Variants in TAFA4 observed in about 807,000 individuals in gnomAD.
TAFA4 encodes chemokine-like protein TAFA-4.
In TAFA4, 20 loss-of-function variants were observed where a neutral mutation model predicts 21.1. The observed-to-expected ratio is 0.95, with a 90% confidence interval of 0.67 to 1.38. The LOEUF (loss-of-function observed/expected upper bound fraction) is 1.38. Among genes scored for constraint, TAFA4 ranks in the 40% most tolerant of loss-of-function variants. The probability of loss-of-function intolerance (pLI) is 0.00; values close to 1 mark genes in which losing one functional copy is unlikely to be tolerated. For synonymous variants in TAFA4, 71 were observed against 67.4 expected (o/e 1.05, Z -0.26); for missense variants, 211 against 180.9 (o/e 1.17, Z -0.95).
intron 3 of TAFA4, among the ~76,000 whole-genome samples, chr3:68,760,281 C>G (rs1377935290): frequency 6.6e-6 from 1 of 152,110 alleles, no homozygotes; most frequent in Admixed American, 6.6e-5. Context: ...ATTAAATATA[C>G]TTTTAAGAAA....
At chr3:68,803,169 T>A (rs1162588286) in intron 3 of TAFA4, among the ~76,000 whole-genome samples, 1 of 152,204 alleles carries the variant, frequency 6.6e-6, no homozygotes, top group East Asian at 1.9e-4. Context: ...CAGGCTTCAG[T>A]AAATAAATAC....
At chr3:68,823,889 T>C (rs1367165579) in intron 3 of TAFA4, among the ~76,000 whole-genome samples, 1 of 152,228 alleles carries the variant, frequency 6.6e-6, no homozygotes, top group African/African-American at 2.4e-5. Flanking sequence ...GTACAAATAT[T>C]ACTCTATCAC....
intron 4 of TAFA4, among the ~76,000 whole-genome samples, chr3:68,751,818 G>T (rs1158452414): frequency 6.6e-6 from 1 of 152,174 alleles, no homozygotes; most frequent in African/African-American, 2.4e-5. Context: ...TAAGGTAATA[G>T]ATGGTATATT....
At chr3:68,753,115 C>T in intron 3 of TAFA4, 97 bp from the exon 4 acceptor site, 2 of 1,082,874 alleles carry the variant, frequency 1.8e-6, no homozygotes, top group Non-Finnish European at 2.7e-6. Flanking sequence ...TTTCCAACTT[C>T]CTGTGCTATG....
Position 68,840,591 on chromosome 3 carries a change from T to G in TAFA4, c.130+40139A>C, listed in dbSNP as rs187256905. 1.1e-4 allele frequency among the ~76,000 whole-genome samples: 16 copies of G among 152,250 alleles called. No individual in the cohort carries two copies. In the Middle Eastern group the frequency reaches 0.01, roughly 97 times the overall value. On this transcript the variant is annotated intron_variant, in intron 3 of 5. Coordinates refer to ENST00000295569, the MANE Select transcript of TAFA4 (RefSeq NM_182522.5). ...ACTTAAGAAATACAAACACGTGCCT[T>G]TAGAAGGTAAATAAAAACTCTTATG...
chr3:68,786,559 T>C (rs951404808), intron 3 of TAFA4, among the ~76,000 whole-genome samples: 7 of 152,244 alleles, frequency 4.6e-5, no homozygotes, highest in African/African-American at 1.7e-4. Flanking sequence ...TTTCTACTGT[T>C]TGAAATCTTA....
intron 4 of TAFA4, among the ~76,000 whole-genome samples, chr3:68,745,118 T>A (rs902411163): frequency 2.0e-5 from 3 of 152,136 alleles, no homozygotes; most frequent in Non-Finnish European, 4.4e-5. Context: ...CGTTATGAGT[T>A]AAGGATTGAC....
At chr3:68,771,091 A>G (rs903315602) in intron 3 of TAFA4, among the ~76,000 whole-genome samples, 3 of 150,618 alleles carry the variant, frequency 2.0e-5, no homozygotes, top group Admixed American at 1.3e-4. Context: ...TCCAGGGAAA[A>G]ATCACCTTCT....
At chr3:68,866,857 G>C (rs1455378650) in intron 3 of TAFA4, among the ~76,000 whole-genome samples, 1 of 151,526 alleles carries the variant, frequency 6.6e-6, no homozygotes, top group Non-Finnish European at 1.5e-5. Context: ...CAGGCTGTTT[G>C]AAAATATACA....
rs562863829 is a variant in TAFA4, at chr3:68,877,620, G to A, written c.130+3110C>T. ...TCTGGGTCACTCTGTTCCCCAGCTT[G>A]TTGAAGCCTTTCTCTCCTTAAGGTT... On this transcript the variant is annotated intron_variant, in intron 3 of 5. Transcript: ENST00000295569. Among the ~76,000 whole-genome samples, 11 of 152,296 alleles carry A rather than the reference G, an allele frequency of 7.2e-5. No individual in the cohort carries two copies. In the East Asian group the frequency reaches 2.1e-3, roughly 29 times the overall value.
chr3:68,773,378 C>T (rs1266261669), intron 3 of TAFA4, among the ~76,000 whole-genome samples: 1 of 152,234 alleles, frequency 6.6e-6, no homozygotes, highest in African/African-American at 2.4e-5. Context: ...CAGGGTACAA[C>T]ACCCTCCTGA....
At chr3:68,820,106 CA>C (rs1238198452) in intron 3 of TAFA4, among the ~76,000 whole-genome samples, 1 of 152,056 alleles carries the variant, frequency 6.6e-6, no homozygotes, top group Non-Finnish European at 1.5e-5. Flanking sequence ...TTCAGCCTTA[CA>C]AAAGAAGAAA....
At chr3:68,915,561 A>C (rs1197708472) in intron 1 of TAFA4, among the ~76,000 whole-genome samples, 2 of 152,196 alleles carry the variant, frequency 1.3e-5, no homozygotes, top group Admixed American at 6.5e-5. Flanking sequence ...TTTAACTCTC[A>C]AAATGGTGAT....
At chr3:68,913,723 ATC>A (rs1575670690) in intron 1 of TAFA4, 1 of 151,636 alleles carries the variant, frequency 6.6e-6, no homozygotes, top group African/African-American at 2.4e-5. Flanking sequence ...TGGAGAAATT[ATC>A]TGTTACTAAT....
chr3:68,902,148 C>A (rs2089850513), intron 1 of TAFA4, among the ~76,000 whole-genome samples: 1 of 152,132 alleles, frequency 6.6e-6, no homozygotes, highest in African/African-American at 2.4e-5. Flanking sequence ...CCCCATTTTA[C>A]AAAGAAGGAT....
intron 1 of TAFA4, among the ~76,000 whole-genome samples, chr3:68,903,349 A>G (rs575672572): frequency 8.5e-5 from 13 of 152,340 alleles, no homozygotes; most frequent in African/African-American, 2.9e-4. Flanking sequence ...TTTGAAATTC[A>G]TCTGTTCCTT....
intron 3 of TAFA4, among the ~76,000 whole-genome samples, chr3:68,755,167 A>C (rs1702637684): frequency 6.6e-6 from 1 of 152,180 alleles, no homozygotes; most frequent in African/African-American, 2.4e-5. Context: ...CTCTCTATTT[A>C]TATCTCCCAT....
At chr3:68,888,550 A>G in intron 1 of TAFA4, among the ~76,000 whole-genome samples, 1 of 152,106 alleles carries the variant, frequency 6.6e-6, no homozygotes, top group East Asian at 1.9e-4. Context: ...TCTCTGTACC[A>G]ATTTTTTGCC....
chr3:68,841,087 G>A (rs552754884), intron 3 of TAFA4, among the ~76,000 whole-genome samples: 2 of 73,170 alleles, frequency 2.7e-5, no homozygotes, highest in African/African-American at 8.6e-5. Context: ...ACTTTGGGAG[G>A]CCGAGGCGGG....
Sources: gnomAD v4.1 joint callset for allele counts (sites outside exome capture counted in the v4.1 genomes callset) on GRCh38, gnomAD v4.1.1 for gene constraint, MANE v1.5 for transcripts, NCBI Gene and HGNC (gene_info 2026-07-23, HGNC 2026-07-21) for gene names.